Variants in TIRAP observed in about 807,000 individuals in gnomAD.
TIRAP encodes TIR domain containing adaptor protein.
Under a neutral mutation model 19.8 loss-of-function variants are expected in TIRAP, and 20 were observed. The ratio of observed to expected loss-of-function variants is 1.01; its 90% confidence interval spans 0.71 to 1.47. The LOEUF is 1.47. TIRAP is among the 40% of genes most tolerant of loss of function. The probability of loss-of-function intolerance (pLI) is 0.00; values close to 1 mark genes in which losing one functional copy is unlikely to be tolerated. For missense variants in TIRAP, 276 were observed against 285.1 expected (o/e 0.97, Z 0.23); for synonymous variants, 125 against 121.7 (o/e 1.03, Z -0.18).
Position 126,291,630 on chromosome 11 carries a change from C to A in TIRAP, c.67+669C>A, listed in dbSNP as rs1460403760. 2.4e-6 allele frequency: 1 copy of A among 421,966 alleles called. No homozygotes were observed. The highest frequency in any genetic ancestry group is 7.1e-5 in the East Asian group (1 of 14,064). 26.1% of individuals were successfully genotyped at this position (421,966 alleles called of 1,614,324 possible). On this transcript the variant is annotated intron_variant, in intron 3 of 4. Transcript: ENST00000392679. This position sits in a 1 kb window ranked among gnomAD's most constrained non-coding sequence, Gnocchi z 5.6. ...CAACTCTGAGCAGTAGCCTCTTCCC[C>A]ATTTAGCGACAATCTAGGATTTCTT...
intron 1 of TIRAP, among the ~76,000 whole-genome samples, chr11:126,286,347 G>A (rs955227322): frequency 1.3e-5 from 2 of 152,060 alleles, no homozygotes; most frequent in Non-Finnish European, 2.9e-5. Context: ...CCTGGGTAAT[G>A]GAATGAGTCT....
chr11:126,286,034 AC>A (rs1385940240), intron 1 of TIRAP, among the ~76,000 whole-genome samples: 2 of 142,572 alleles, frequency 1.4e-5, no homozygotes, highest in African/African-American at 5.3e-5. Context: ...AGCCTGGGTG[AC>A]AGAGCAAGAC....
In TIRAP at chr11:126,288,152, T is replaced by C. The variant is rs1369283209; in HGVS notation, c.-216-2310T>C. Among the ~76,000 whole-genome samples the C allele has an allele frequency of 6.6e-6, 1 of 152,252 alleles. No homozygotes were observed. The highest frequency in any genetic ancestry group is 6.5e-5 in the Admixed American group (1 of 15,288). Reference sequence around the variant, plus strand: ...ACCTCGGCCTCCCAAAGTGCTGGGATTACAGGCATGAGCCACTGAGCCCGT... The same window carrying C: ...ACCTCGGCCTCCCAAAGTGCTGGGACTACAGGCATGAGCCACTGAGCCCGT... On this transcript the variant is annotated intron_variant, in intron 1 of 4. Coordinates refer to ENST00000392679, the MANE Select transcript of TIRAP (RefSeq NM_001318777.2). The surrounding 1 kb of genome is among the most constrained non-coding windows in gnomAD (Gnocchi z 5.0).
In TIRAP at chr11:126,290,061, C is replaced by T. The variant is rs1233682527; in HGVS notation, c.-216-401C>T. 1.3e-5 allele frequency among the ~76,000 whole-genome samples: 2 copies of T among 152,200 alleles called. No homozygotes were observed. The highest frequency in any genetic ancestry group is 2.9e-5 in the Non-Finnish European group (2 of 68,032). On this transcript the variant is annotated intron_variant, in intron 1 of 4. Transcript: ENST00000392679. This position sits in a 1 kb window ranked among gnomAD's most constrained non-coding sequence, Gnocchi z 4.9. ...ATTATTTTATATACATAGTAGCCCA[C>T]ATTTTCTAAGCATTTATTACATGCC... is the stretch of plus-strand genomic sequence containing the variant.
At chr11:126,289,143 T>C (rs993749354) in intron 1 of TIRAP, among the ~76,000 whole-genome samples, 2 of 152,250 alleles carry the variant, frequency 1.3e-5, no homozygotes, top group African/African-American at 4.8e-5. Flanking sequence ...TCCAACCCTT[T>C]GCTCTGCCTC....
chr11:126,291,712 C>T lies in TIRAP; in HGVS notation c.67+751C>T. On this transcript the variant is annotated intron_variant, in intron 3 of 4. Transcript: ENST00000392679. The surrounding 1 kb of genome is among the most constrained non-coding windows in gnomAD (Gnocchi z 5.6). ...CTTCCTTCCTGTATACGTAGCCCTT[C>T]CTAATCTAAGTCCACCTCCCCTCAG... The T allele has an allele frequency of 2.7e-6, 1 of 364,340 alleles. No homozygotes were observed. The highest frequency in any genetic ancestry group is 5.5e-6 in the Non-Finnish European group (1 of 182,656). The allele number at this position is 364,340 out of a possible 1,614,324, so 22.6% of individuals were successfully genotyped here. A position where few individuals can be genotyped will look rare whatever the true frequency, so the allele number is the denominator to read the frequency against.
chr11:126,293,061 C>T lies in TIRAP; in HGVS notation c.646+6C>T, dbSNP rs765534292. On this transcript the variant is annotated splice_donor_region_variant and intron_variant, in intron 4 of 4. Transcript: ENST00000392679. ...CAAAGAAGCTGTCATGCGTTGTAAG[C>T]TACTACAGGAGGGAGAAGGGGAACG... 9.9e-6 allele frequency: 16 copies of T among 1,614,018 alleles called. No homozygotes were observed. Among genetic ancestry groups the T allele is most frequent in the Admixed American group, 1.7e-5 (1 of 60,002 alleles).
In TIRAP at chr11:126,293,682, A is replaced by T; in HGVS notation, c.661A>T (p.Ser221Cys). Residue 221 changes from serine to cysteine, a missense_variant, in exon 5 of 5, where the codon AGT (serine) becomes TGT (cysteine). Physicochemically the swap from Ser to Cys is moderately radical, Grantham distance 112. Coordinates refer to ENST00000392679, the MANE Select transcript of TIRAP (RefSeq NM_001318777.2). ...GTCTCTTTCAGATCTGCAGACACTC[A>T]GTTGACACTTGTTATATCATGGGAC... ...EAVMRYLQTLS is the reference protein window; with the variant it reads ...EAVMRYLQTLC 6.2e-7 allele frequency: 1 copy of T among 1,614,200 alleles called. No individual in the cohort carries two copies. The highest frequency in any genetic ancestry group is 1.1e-5 in the South Asian group (1 of 91,088).
Position 126,292,674 on chromosome 11 carries a change from T to A in TIRAP, c.265T>A (p.Cys89Ser). 6.2e-7 allele frequency: 1 copy of A among 1,614,010 alleles called. No individual in the cohort carries two copies. Among genetic ancestry groups the A allele is most frequent in the South Asian group, 1.1e-5 (1 of 91,044 alleles). The change falls in exon 4 of 5, where the codon TGC becomes AGC. Residue 89 changes from cysteine to serine, a missense_variant. By Grantham distance (112) the Cys-to-Ser change is moderately radical. Coordinates refer to ENST00000392679, the MANE Select transcript of TIRAP (RefSeq NM_001318777.2). ...SSRWSKDYDV[C>S]VCHSEEDLVA... ...TCGCTGGAGCAAAGACTATGACGTC[T>A]GCGTGTGCCACAGTGAGGAAGACCT...
chr11:126,291,319 C>T lies in TIRAP; in HGVS notation c.67+358C>T. On this transcript the variant is annotated intron_variant, in intron 3 of 4. Coordinates refer to ENST00000392679, the MANE Select transcript of TIRAP (RefSeq NM_001318777.2). The surrounding 1 kb of genome is among the most constrained non-coding windows in gnomAD (Gnocchi z 5.6). ...AGCAGAGAGAGAAAATGAATCAATC[C>T]CCACCACAACTATCTGTCCTTATCA... 1 of 654,180 alleles carries T rather than the reference C, an allele frequency of 1.5e-6. No individual in the cohort carries two copies. The highest frequency in any genetic ancestry group is 1.5e-5 in the South Asian group (1 of 66,180). 40.5% of individuals were successfully genotyped at this position (654,180 alleles called of 1,614,324 possible).
At chr11:126,289,205 T>A (rs991835815) in intron 1 of TIRAP, among the ~76,000 whole-genome samples, 34 of 152,246 alleles carry the variant, frequency 2.2e-4, no homozygotes, top group Admixed American at 2.1e-3. Context: ...TGATATATGA[T>A]CACAAATCCT....
chr11:126,288,057 T>A lies in TIRAP; in HGVS notation c.-216-2405T>A, dbSNP rs1037170967. Among the ~76,000 whole-genome samples, 3 of 152,052 alleles carry A rather than the reference T, an allele frequency of 2.0e-5. No individual in the cohort carries two copies. Among genetic ancestry groups the A allele is most frequent in the Admixed American group, 2.0e-4 (3 of 15,266 alleles). On this transcript the variant is annotated intron_variant, in intron 1 of 4. Transcript: ENST00000392679. The surrounding 1 kb of genome is among the most constrained non-coding windows in gnomAD (Gnocchi z 5.0). ...GGGAGCACCAGCACACCCGGCTAAATTTTGTATTTTTAGTAGAGAAGGGGT... is the reference window on the plus strand; with the variant it reads ...GGGAGCACCAGCACACCCGGCTAAAATTTGTATTTTTAGTAGAGAAGGGGT...
rs555918042 is a variant in TIRAP, at chr11:126,291,618, T to G, written c.67+657T>G. 3.4e-5 allele frequency: 15 copies of G among 437,082 alleles called. No homozygotes were observed. In the East Asian group the frequency reaches 9.2e-4, roughly 27 times the overall value. 27.1% of individuals were successfully genotyped at this position (437,082 alleles called of 1,614,324 possible). A position where few individuals can be genotyped will look rare whatever the true frequency, so the allele number is the denominator to read the frequency against. On this transcript the variant is annotated intron_variant, in intron 3 of 4. Coordinates refer to ENST00000392679, the MANE Select transcript of TIRAP (RefSeq NM_001318777.2). The surrounding 1 kb of genome is among the most constrained non-coding windows in gnomAD (Gnocchi z 5.6). ...TCTGCTCCTCAGCAACTCTGAGCAGTAGCCTCTTCCCCATTTAGCGACAAT... is the reference window on the plus strand; with the variant it reads ...TCTGCTCCTCAGCAACTCTGAGCAGGAGCCTCTTCCCCATTTAGCGACAAT...
chr11:126,284,446 A>G (rs1951293874), intron 1 of TIRAP, among the ~76,000 whole-genome samples: 1 of 152,188 alleles, frequency 6.6e-6, no homozygotes, highest in South Asian at 2.1e-4. Flanking sequence ...TTGTATGGCT[A>G]GACCACAATT....
rs761905140 is a variant in TIRAP at position 126,287,160 on chromosome 11, A to G, written c.-216-3302A>G. ...GATGTGGGCCTCTTTGTGGGCCACT[A>G]TTCTGTCTACCCCAGATAGTGATTC... On this transcript the variant is annotated intron_variant, in intron 1 of 4. Transcript: ENST00000392679. The surrounding 1 kb of genome is among the most constrained non-coding windows in gnomAD (Gnocchi z 4.2). Among the ~76,000 whole-genome samples the G allele has an allele frequency of 2.0e-5, 3 of 152,198 alleles. No individual in the cohort carries two copies. Among genetic ancestry groups the G allele is most frequent in the African/African-American group, 7.2e-5 (3 of 41,442 alleles).
At position 126,287,318 on chromosome 11, in the gene TIRAP, AT is replaced by A. The variant is rs34312598; in HGVS notation, c.-216-3131del. On this transcript the variant is annotated intron_variant, in intron 1 of 4. Transcript: ENST00000392679. The surrounding 1 kb of genome is among the most constrained non-coding windows in gnomAD (Gnocchi z 4.2). The stretch of plus-strand genomic sequence containing the variant: ...ATATTGGATACTAAATACACTTTGG[AT>A]TTTTTTTTTTTTATTTTTGAGACTT... Among the ~76,000 whole-genome samples the A allele has an allele frequency of 0.065, 9,560 of 147,180 alleles. 409 individuals carry two copies. Among genetic ancestry groups the A allele is most frequent in the East Asian group, 0.18 (893 of 5,048 alleles).
At position 126,293,653 on chromosome 11, in the gene TIRAP, A is replaced by G; in HGVS notation, c.647-15A>G. 1 of 1,614,022 alleles carries G rather than the reference A, an allele frequency of 6.2e-7. No individual in the cohort carries two copies. The highest frequency in any genetic ancestry group is 8.5e-7 in the Non-Finnish European group (1 of 1,179,936). ...GTTTGGGAGGTGTGACAACGCTGTGATTGGTCTCTTTCAGATCTGCAGACA... is the reference window on the plus strand; with the variant it reads ...GTTTGGGAGGTGTGACAACGCTGTGGTTGGTCTCTTTCAGATCTGCAGACA... On this transcript the variant is annotated splice_polypyrimidine_tract_variant and intron_variant, in intron 4 of 4. Coordinates refer to ENST00000392679, the MANE Select transcript of TIRAP (RefSeq NM_001318777.2).
intron 1 of TIRAP, among the ~76,000 whole-genome samples, chr11:126,285,357 G>A (rs945890793): frequency 2.6e-5 from 4 of 151,560 alleles, no homozygotes; most frequent in African/African-American, 4.8e-5. Flanking sequence ...CGTCTCCCAG[G>A]TTCAAGCGAT....
At chr11:126,292,006 TAAAC>T (rs915265694) in intron 3 of TIRAP, among the ~76,000 whole-genome samples, 2 of 151,742 alleles carry the variant, frequency 1.3e-5, no homozygotes, top group African/African-American at 4.9e-5. Flanking sequence ...TCCCAAAAGA[TAAAC>T]AAAAATAGCA....
Sources: gnomAD v4.1 joint callset for allele counts (sites outside exome capture counted in the v4.1 genomes callset) on GRCh38, gnomAD v4.1.1 for gene constraint, Gnocchi (gnomAD v3.1) non-coding constraint, MANE v1.5 for transcripts, NCBI Gene and HGNC (gene_info 2026-07-23, HGNC 2026-07-21) for gene names.